The following CLASP1 variants were observed in gnomAD, a reference collection of about 807,000 sequenced individuals.
CLASP1 encodes the protein CLIP-associating protein 1.
Under a neutral mutation model 192.3 loss-of-function variants are expected in CLASP1, and 38 were observed. That is an observed-to-expected ratio of 0.20 (90% CI 0.15 to 0.26). The LOEUF is 0.26. CLASP1 is among the 10% of genes least tolerant of loss of function. The pLI is 1.00. For missense variants in CLASP1, 1,433 were observed against 1,932.5 expected, an observed-to-expected ratio of 0.74 and a Z score of 4.85; for synonymous variants, 691 against 712.8, an observed-to-expected ratio of 0.97 and a Z score of 0.49.
chr2:121,398,979 CTCTT>C (rs1340273680), intron 28 of CLASP1, among the ~76,000 whole-genome samples: 4 of 152,202 alleles, frequency 2.6e-5, no homozygotes, highest in African/African-American at 9.7e-5. Context: ...AGAGTCAGTG[CTCTT>C]TCTGTTAAAA....
intron 32 of CLASP1, among the ~76,000 whole-genome samples, 166 bp downstream of exon 33, chr2:121,386,956 A>G (rs1184086486): frequency 6.6e-6 from 1 of 152,252 alleles, no homozygotes; most frequent in Non-Finnish European, 1.5e-5. Context: ...ACCCCTTTGC[A>G]TAAGATTATA....
At chr2:121,502,278 A>T (rs1452225893) in intron 8 of CLASP1, among the ~76,000 whole-genome samples, 2 of 152,204 alleles carry the variant, frequency 1.3e-5, no homozygotes, top group Non-Finnish European at 2.9e-5. Flanking sequence ...GAAAAAAAAT[A>T]AAGAACAATA....
intron 2 of CLASP1, chr2:121,530,984 T>A: frequency 1.4e-6 from 1 of 700,432 alleles, no homozygotes; most frequent in Non-Finnish European, 2.6e-6. Flanking sequence ...GCTTTTGCTT[T>A]ATTTTGGTGC....
chr2:121,554,775 T>C (rs2058383502), intron 2 of CLASP1, among the ~76,000 whole-genome samples: 1 of 152,186 alleles, frequency 6.6e-6, no homozygotes, highest in Non-Finnish European at 1.5e-5. Flanking sequence ...AGGGATCTTT[T>C]TGGGCTGATA....
intron 19 of CLASP1, among the ~76,000 whole-genome samples, chr2:121,440,577 A>G (rs1362640724): frequency 1.3e-5 from 2 of 152,208 alleles, no homozygotes; most frequent in Non-Finnish European, 2.9e-5. Flanking sequence ...CTGTAGTCCC[A>G]GTTACTTGGA....
intron 32 of CLASP1, among the ~76,000 whole-genome samples, chr2:121,384,141 T>TATATAC (rs1353160367): frequency 2.2e-5 from 3 of 135,594 alleles, no homozygotes; most frequent in Non-Finnish European, 4.9e-5. Context: ...TATGTATATA[T>TATATAC]ATATACACAC....
intron 6 of CLASP1, among the ~76,000 whole-genome samples, chr2:121,516,506 C>T (rs760658167): frequency 3.3e-5 from 5 of 152,150 alleles, no homozygotes; most frequent in African/African-American, 9.7e-5. Context: ...GGAAGTACGC[C>T]GGTCTGGCCA....
At chr2:121,345,817 A>C (rs1050663727) in intron 39 of CLASP1, among the ~76,000 whole-genome samples, 1 of 152,232 alleles carries the variant, frequency 6.6e-6, no homozygotes, top group African/African-American at 2.4e-5. Context: ...TCTGCCCCCC[A>C]GAGGGCATCT....
Position 121,530,932 on chromosome 2 carries a change from C to A in CLASP1, c.196-607G>T, listed in dbSNP as rs180755563. ...CTGTCCAATGAGCGCATAGTGAGGG[C>A]AGTACTGCTAACGCCTGAACAACAC... On this transcript the variant is annotated intron_variant, in intron 2 of 39. Transcript: ENST00000263710. The A allele has an allele frequency of 4.3e-6, 3 of 700,266 alleles. No homozygotes were observed. The African/African-American group carries it at 5.2e-5, about 12-fold the overall frequency. The allele number at this position is 700,266 out of a possible 1,614,324, so 43.4% of individuals were successfully genotyped here. A position where few individuals can be genotyped will look rare whatever the true frequency, so the allele number is the denominator to read the frequency against.
intron 8 of CLASP1, among the ~76,000 whole-genome samples, chr2:121,483,057 G>A (rs1334787763): frequency 6.6e-6 from 1 of 152,148 alleles, no homozygotes; most frequent in Non-Finnish European, 1.5e-5. Context: ...AGGGAGGGGA[G>A]AGGGGCTGAA....
intron 8 of CLASP1, among the ~76,000 whole-genome samples, chr2:121,479,033 C>CCA (rs1359850885): frequency 1.5e-4 from 9 of 59,034 alleles, no homozygotes; most frequent in Admixed American, 3.1e-4. Context: ...CACACACACC[C>CCA]CACACACACA....
intron 2 of CLASP1, among the ~76,000 whole-genome samples, chr2:121,535,406 C>T (rs1373786057): frequency 6.6e-6 from 1 of 152,016 alleles, no homozygotes. Flanking sequence ...ACAAATAATA[C>T]AAGAGAAAAT....
At chr2:121,586,718 G>A (rs2061752197) in intron 2 of CLASP1, among the ~76,000 whole-genome samples, 1 of 152,068 alleles carries the variant, frequency 6.6e-6, no homozygotes, top group African/African-American at 2.4e-5. Flanking sequence ...CTGTGCTTTG[G>A]GGCCCTGTGA....
intron 18 of CLASP1, 99 bp from the exon 19 acceptor site, chr2:121,447,606 C>G (rs751437082): frequency 5.8e-5 from 60 of 1,035,784 alleles, no homozygotes; most frequent in Non-Finnish European, 8.1e-5. Context: ...AAAACAAATA[C>G]CAAGTTTTAA....
chr2:121,455,602 G>T (rs914059426), intron 14 of CLASP1, among the ~76,000 whole-genome samples: 4 of 152,184 alleles, frequency 2.6e-5, no homozygotes, highest in African/African-American at 9.7e-5. Context: ...ATCCAAAAAA[G>T]TCGACTCAGG....
At chr2:121,475,766 A>C (rs1479440382) in intron 8 of CLASP1, among the ~76,000 whole-genome samples, 1 of 152,248 alleles carries the variant, frequency 6.6e-6, no homozygotes, top group Non-Finnish European at 1.5e-5. Flanking sequence ...AATCGTCTTA[A>C]GGGGAAGTTC....
intron 2 of CLASP1, among the ~76,000 whole-genome samples, chr2:121,585,774 G>C (rs1278626502): frequency 6.6e-6 from 1 of 151,946 alleles, no homozygotes; most frequent in African/African-American, 2.4e-5. Flanking sequence ...GTGCGTACCT[G>C]TAGTCCCAGC....
intron 31 of CLASP1, among the ~76,000 whole-genome samples, 184 bp from the exon 33 acceptor site, chr2:121,387,412 A>C (rs2073470034): frequency 6.6e-6 from 1 of 152,124 alleles, no homozygotes; most frequent in Non-Finnish European, 1.5e-5. Flanking sequence ...AATAATCATC[A>C]TACAAGCACT....
At chr2:121,530,122 A>C in intron 3 of CLASP1, 125 bp downstream of exon 3, 1 of 743,386 alleles carries the variant, frequency 1.3e-6, no homozygotes. Context: ...GGAGGAGCGG[A>C]AGGGAGGGAG....
Sources: allele counts gnomAD v4.1 joint callset (sites outside exome capture counted in the v4.1 genomes callset), GRCh38; gene constraint gnomAD v4.1.1; transcripts MANE v1.5; gene names NCBI Gene and HGNC (gene_info 2026-07-23, HGNC 2026-07-21).